Variants in LRCH4 observed in about 807,000 individuals in gnomAD.
LRCH4 encodes the protein leucine-rich repeat and calponin homology domain-containing protein 4.
Under a neutral mutation model 81.2 loss-of-function variants are expected in LRCH4, and 56 were observed. That is an observed-to-expected ratio of 0.69 (90% CI 0.56 to 0.86). LRCH4 has a LOEUF of 0.86. Ranked by LOEUF, LRCH4 falls within the 40% of genes least tolerant of loss-of-function variation. The pLI is 0.00. For missense variants in LRCH4, 895 were observed against 922.8 expected (o/e 0.97, Z 0.39); for synonymous variants, 442 against 409.7 (o/e 1.08, Z -0.95).
intron 15 of LRCH4, 93 bp from the exon 16 acceptor site, chr7:100,576,101 G>A: frequency 1.3e-6 from 2 of 1,495,220 alleles, no homozygotes; most frequent in South Asian, 1.2e-5. Context: ...CAGGGAACTT[G>A]TGCCTGTCCC....
intron 1 of LRCH4, chr7:100,584,731 T>A: frequency 2.2e-6 from 1 of 456,618 alleles, no homozygotes. Context: ...TTTCGACTGG[T>A]TCTCCCCAGA....
Position 100,582,980 on chromosome 7 carries a change from C to T in LRCH4, c.221-521G>A, listed in dbSNP as rs558153389. Among the ~76,000 whole-genome samples the T allele has an allele frequency of 6.6e-6, 1 of 152,336 alleles. No homozygotes were observed. Among genetic ancestry groups the T allele is most frequent in the Admixed American group, 6.5e-5 (1 of 15,302 alleles). ...CGGGAAAAACCACAGGTCACTCTAT[C>T]TTGGTTCTAGAGATAAAGTCCCCGA... is the stretch of plus-strand genomic sequence containing the variant. On this transcript the variant is annotated intron_variant, in intron 1 of 17. Coordinates refer to ENST00000310300, the MANE Select transcript of LRCH4 (RefSeq NM_002319.5). The surrounding 1 kb of genome is among the most constrained non-coding windows in gnomAD (Gnocchi z 5.0).
Position 100,578,529 on chromosome 7 carries a change from C to A in LRCH4, c.736-18G>T. ...AGGCAGACCTGTGTGCGGGGCAGCA[C>A]ACGCCAGGGAGTTGGCAGGGAGGGC... On this transcript the variant is annotated intron_variant, in intron 5 of 17. Transcript: ENST00000310300. This position sits in a 1 kb window ranked among gnomAD's most constrained non-coding sequence, Gnocchi z 5.7. The A allele has an allele frequency of 1.2e-6, 2 of 1,609,350 alleles. No individual in the cohort carries two copies. Among genetic ancestry groups the A allele is most frequent in the Non-Finnish European group, 1.7e-6 (2 of 1,177,126 alleles).
chr7:100,584,562 G>C, intron 1 of LRCH4: 1 of 391,772 alleles, frequency 2.6e-6, no homozygotes, highest in South Asian at 1.8e-5. Flanking sequence ...GGAGGGGAAG[G>C]GAACAGACAG....
Position 100,574,636 on chromosome 7 carries a change from A to C in LRCH4, c.*471T>G. 1 of 154,262 alleles carries C rather than the reference A, an allele frequency of 6.5e-6. No individual in the cohort carries two copies. The highest frequency in any genetic ancestry group is 1.8e-4 in the South Asian group (1 of 5,520). 9.6% of individuals were successfully genotyped at this position (154,262 alleles called of 1,614,324 possible). ...GGAGCAGACGCGCGCGCGCGCGCACACACACACACACAGGCAGGGCGGCCA... is the reference window on the plus strand; with the variant it reads ...GGAGCAGACGCGCGCGCGCGCGCACCCACACACACACAGGCAGGGCGGCCA... On this transcript the variant is annotated 3_prime_UTR_variant, in exon 18 of 18. Transcript: ENST00000310300.
chr7:100,576,895 G>C lies in LRCH4; in HGVS notation c.1468+7C>G. Reference sequence around the variant, plus strand: ...GCCCCATCCTCCTCCCAAAATCCCTGTCCCACCTGGTCCAGCTATGGGAAG... The same window carrying C: ...GCCCCATCCTCCTCCCAAAATCCCTCTCCCACCTGGTCCAGCTATGGGAAG... On this transcript the variant is annotated splice_region_variant and intron_variant, in intron 13 of 17. Transcript: ENST00000310300. 1 of 1,545,836 alleles carries C rather than the reference G, an allele frequency of 6.5e-7. No homozygotes were observed. Among genetic ancestry groups the C allele is most frequent in the Non-Finnish European group, 8.8e-7 (1 of 1,141,404 alleles).
rs1801371620 is a variant in LRCH4 at position 100,576,693 on chromosome 7, C to T, written c.1552+1G>A. On this transcript the variant is annotated splice_donor_variant, in intron 14 of 17. Coordinates refer to ENST00000310300, the MANE Select transcript of LRCH4 (RefSeq NM_002319.5). LOFTEE classifies it high-confidence loss of function. ...AGCACTGGGGAGGGCAGGACACCCA[C>T]CTGAGCCACTCTGAGAGGAGGAACG... The T allele has an allele frequency of 1.3e-6, 2 of 1,585,626 alleles. No homozygotes were observed. The highest frequency in any genetic ancestry group is 1.7e-6 in the Non-Finnish European group (2 of 1,165,862).
rs1054961139 is a variant in LRCH4, at chr7:100,582,522, C to G, written c.221-63G>C. 7.9e-6 allele frequency: 12 copies of G among 1,524,250 alleles called. No individual in the cohort carries two copies. The highest frequency in any genetic ancestry group is 7.0e-5 in the South Asian group (6 of 85,812). The allele number at this position is 1,524,250 out of a possible 1,614,324, so 94.4% of individuals were successfully genotyped here. On this transcript the variant is annotated intron_variant, in intron 1 of 17. Coordinates refer to ENST00000310300, the MANE Select transcript of LRCH4 (RefSeq NM_002319.5). The surrounding 1 kb of genome is among the most constrained non-coding windows in gnomAD (Gnocchi z 5.0). ...GCCCAGCCCGGACAGGACCTTCAGT[C>G]CCCCCAGAGCCGGCTGCCCACTCCC...
At chr7:100,584,089 G>T in intron 1 of LRCH4, 1 of 454,134 alleles carries the variant, frequency 2.2e-6, no homozygotes, top group Non-Finnish European at 4.4e-6. Flanking sequence ...GACACGCAGC[G>T]AAGACACTCA....
At position 100,578,303 on chromosome 7, in the gene LRCH4, A is replaced by G; in HGVS notation, c.849-45T>C. The G allele has an allele frequency of 2.5e-6, 4 of 1,603,194 alleles. No homozygotes were observed. The highest frequency in any genetic ancestry group is 3.4e-6 in the Non-Finnish European group (4 of 1,170,204). On this transcript the variant is annotated intron_variant, in intron 6 of 17. Coordinates refer to ENST00000310300, the MANE Select transcript of LRCH4 (RefSeq NM_002319.5). The surrounding 1 kb of genome is among the most constrained non-coding windows in gnomAD (Gnocchi z 5.7). ...TCTGGTCAGCCTGATGCTGGACAAC[A>G]GCCCCCCATCCTCCTGCCAGAAAGC...
Position 100,574,248 on chromosome 7 carries a change from A to G in LRCH4, c.*859T>C. On this transcript the variant is annotated 3_prime_UTR_variant, in exon 18 of 18. Coordinates refer to ENST00000310300, the MANE Select transcript of LRCH4 (RefSeq NM_002319.5). Reference sequence around the variant, plus strand: ...GGGTGGGCCCTGTGCCCCCACCTTCACCCCTAAGGCCGGTCCAGCAGGGCG... The same window carrying G: ...GGGTGGGCCCTGTGCCCCCACCTTCGCCCCTAAGGCCGGTCCAGCAGGGCG... 1.1e-5 allele frequency: 2 copies of G among 185,094 alleles called. No homozygotes were observed. The highest frequency in any genetic ancestry group is 2.4e-5 in the Non-Finnish European group (2 of 84,336). The allele number at this position is 185,094 out of a possible 1,614,324, so 11.5% of individuals were successfully genotyped here.
At position 100,577,127 on chromosome 7, in the gene LRCH4, A is replaced by G. The variant is rs1218928716; in HGVS notation, c.1323T>C (p.Val441=). 3 of 1,614,088 alleles carry G rather than the reference A, an allele frequency of 1.9e-6. No individual in the cohort carries two copies. Among genetic ancestry groups the G allele is most frequent in the Non-Finnish European group, 2.5e-6 (3 of 1,179,994 alleles). The change falls in exon 12 of 18, where the codon GTT becomes GTC. Residue 441 remains valine, a synonymous_variant. Transcript: ENST00000310300. The surrounding 1 kb of genome is among the most constrained non-coding windows in gnomAD (Gnocchi z 6.7). The part of the protein sequence containing the change: ...DSLLKPGLRA[V]VGGAAAVSTQ... Reference sequence around the variant, plus strand: ...TGGACACGGCGGCGGCCCCTCCCACAACAGCCCTGAGCCCTGGCTTCAAGA... The same window carrying G: ...TGGACACGGCGGCGGCCCCTCCCACGACAGCCCTGAGCCCTGGCTTCAAGA...
In LRCH4 at chr7:100,577,109, G is replaced by C. The variant is rs1456633440; in HGVS notation, c.1341C>G (p.Ala447=). 15 of 1,613,970 alleles carry C rather than the reference G, an allele frequency of 9.3e-6. No individual in the cohort carries two copies. Among genetic ancestry groups the C allele is most frequent in the Non-Finnish European group, 1.2e-5 (14 of 1,180,002 alleles). Residue 447 remains alanine (A), a synonymous_variant, in exon 12 of 18, where the codon GCC becomes GCG. Coordinates refer to ENST00000310300, the MANE Select transcript of LRCH4 (RefSeq NM_002319.5). The surrounding 1 kb of genome is among the most constrained non-coding windows in gnomAD (Gnocchi z 6.7). ...GLRAVVGGAA[A]VSTQAMHNGS... ...ACTTGTGCATGGCTTGAGTGGACAC[G>C]GCGGCGGCCCCTCCCACAACAGCCC...
chr7:100,578,306 C>T lies in LRCH4; in HGVS notation c.849-48G>A. On this transcript the variant is annotated intron_variant, in intron 6 of 17. Coordinates refer to ENST00000310300, the MANE Select transcript of LRCH4 (RefSeq NM_002319.5). This position sits in a 1 kb window ranked among gnomAD's most constrained non-coding sequence, Gnocchi z 5.7. ...GGTCAGCCTGATGCTGGACAACAGC[C>T]CCCCATCCTCCTGCCAGAAAGCAGG... The T allele has an allele frequency of 6.2e-7, 1 of 1,600,630 alleles. No homozygotes were observed. The highest frequency in any genetic ancestry group is 8.6e-7 in the Non-Finnish European group (1 of 1,167,856).
At chr7:100,579,219 C>G (rs1179785913) in intron 4 of LRCH4, 1 of 198,754 alleles carries the variant, frequency 5.0e-6, no homozygotes, top group Non-Finnish European at 1.0e-5. Context: ...CCGGGAGTCC[C>G]CTTTCCCCAG....
Position 100,578,881 on chromosome 7 carries a change from C to G in LRCH4, c.599-95G>C. The G allele has an allele frequency of 1.4e-6, 2 of 1,395,110 alleles. No individual in the cohort carries two copies. Among genetic ancestry groups the G allele is most frequent in the Middle Eastern group, 2.6e-4 (1 of 3,804 alleles). 86.4% of individuals were successfully genotyped at this position (1,395,110 alleles called of 1,614,324 possible). Reference sequence around the variant, plus strand: ...CCTTGGCTCCAGCTGGCCAGTCACCCTGGGCCCAGCACAGCCTCTCCCCTG... The same window carrying G: ...CCTTGGCTCCAGCTGGCCAGTCACCGTGGGCCCAGCACAGCCTCTCCCCTG... On this transcript the variant is annotated intron_variant, in intron 4 of 17. Transcript: ENST00000310300. This position sits in a 1 kb window ranked among gnomAD's most constrained non-coding sequence, Gnocchi z 5.7.
chr7:100,582,582 G>T lies in LRCH4; in HGVS notation c.221-123C>A. 1.0e-6 allele frequency: 1 copy of T among 975,206 alleles called. No homozygotes were observed. The highest frequency in any genetic ancestry group is 1.5e-6 in the Non-Finnish European group (1 of 655,210). The allele number at this position is 975,206 out of a possible 1,614,324, so 60.4% of individuals were successfully genotyped here. ...CACCTAAAGATTCAAGGCCATCAAT[G>T]TGGCCTCCCAGGAGAGATAACAAAG... On this transcript the variant is annotated intron_variant, in intron 1 of 17. Coordinates refer to ENST00000310300, the MANE Select transcript of LRCH4 (RefSeq NM_002319.5). The surrounding 1 kb of genome is among the most constrained non-coding windows in gnomAD (Gnocchi z 5.0).
intron 1 of LRCH4, chr7:100,584,815 A>G (rs939870354): frequency 4.4e-6 from 2 of 456,410 alleles, no homozygotes; most frequent in Non-Finnish European, 8.8e-6. Flanking sequence ...GGGAGAAGTA[A>G]GCACTATCCT....
chr7:100,584,735 C>T (rs1801670577), intron 1 of LRCH4: 1 of 456,522 alleles, frequency 2.2e-6, no homozygotes, highest in African/African-American at 2.0e-5. Flanking sequence ...GACTGGTTCT[C>T]CCCAGAAGAG....
Sources: gnomAD v4.1 joint callset for allele counts (sites outside exome capture counted in the v4.1 genomes callset) on GRCh38, gnomAD v4.1.1 for gene constraint, Gnocchi (gnomAD v3.1) non-coding constraint, MANE v1.5 for transcripts, NCBI Gene and HGNC (gene_info 2026-07-23, HGNC 2026-07-21) for gene names.